The following SPART variants were observed in gnomAD, a reference collection of about 807,000 sequenced individuals.
The protein encoded by SPART is spartin, also known as spastic paraplegia 20 (Troyer syndrome).
SPART carries 35 observed loss-of-function variants against 58.7 expected under a neutral mutation model. That is an observed-to-expected ratio of 0.60 (90% CI 0.46 to 0.79). The LOEUF (loss-of-function observed/expected upper bound fraction) is 0.79, where lower values mean the gene tolerates loss of function less well. SPART is among the 30% of genes least tolerant of loss of function. SPART has a pLI of 0.00. For synonymous variants in SPART, 284 were observed against 280.7 expected, an observed-to-expected ratio of 1.01 and a Z score of -0.12; for missense variants, 730 against 786.1, an observed-to-expected ratio of 0.93 and a Z score of 0.85.
chr13:36,367,266 C>A (rs1365123399), intron 1 of SPART, among the ~76,000 whole-genome samples: 3 of 152,138 alleles, frequency 2.0e-5, no homozygotes, highest in Non-Finnish European at 4.4e-5. Flanking sequence ...CTTGCCCTTT[C>A]CCCACATGTT....
At chr13:36,307,152 T>A (rs1249361626) in intron 8 of SPART, among the ~76,000 whole-genome samples, 2 of 152,132 alleles carry the variant, frequency 1.3e-5, no homozygotes, top group African/African-American at 4.8e-5. Flanking sequence ...TTATTTTTGA[T>A]CTCTTATTTT....
chr13:36,323,130 T>G (rs1331754504), intron 5 of SPART, among the ~76,000 whole-genome samples: 1 of 152,192 alleles, frequency 6.6e-6, no homozygotes, highest in African/African-American at 2.4e-5. Context: ...AGGCAGAAAG[T>G]GATCATTCCG....
intron 8 of SPART, among the ~76,000 whole-genome samples, chr13:36,309,428 GCACT>G (rs1336187250): frequency 5.9e-5 from 9 of 152,042 alleles, no homozygotes; most frequent in African/African-American, 2.2e-4. Flanking sequence ...AAAGACACAT[GCACT>G]CACTCACATG....
intron 8 of SPART, among the ~76,000 whole-genome samples, chr13:36,306,009 T>C (rs1244287989): frequency 6.6e-6 from 1 of 152,204 alleles, no homozygotes; most frequent in Non-Finnish European, 1.5e-5. Flanking sequence ...TGTGCTTGGC[T>C]TTTTTAACCC....
chr13:36,345,861 G>T (rs1231727420), intron 1 of SPART, among the ~76,000 whole-genome samples: 1 of 152,100 alleles, frequency 6.6e-6, no homozygotes, highest in South Asian at 2.1e-4. Flanking sequence ...CGAAGCCAAA[G>T]TAAACAACGG....
At chr13:36,356,167 A>G (rs867177342) in intron 1 of SPART, among the ~76,000 whole-genome samples, 1 of 152,148 alleles carries the variant, frequency 6.6e-6, no homozygotes, top group African/African-American at 2.4e-5. Flanking sequence ...GGAGTCTACA[A>G]TATCAATTAC....
chr13:36,321,261 T>A (rs1458661761), intron 5 of SPART, among the ~76,000 whole-genome samples: 1 of 152,182 alleles, frequency 6.6e-6, no homozygotes, highest in Non-Finnish European at 1.5e-5. Flanking sequence ...ACTGCCAGTT[T>A]ACACTGTTTT....
At position 36,335,128 on chromosome 13, in the gene SPART, G is replaced by C. The variant is rs199501700; in HGVS notation, c.703C>G (p.Pro235Ala). ...PNGVQIFFVN[P>A]AGEVSAPSYP... ...GAAGGTGCACTAACCTCCCCTGCAG[G>C]ATTTACAAAAAAAATCTGTACTCCA... The change falls in exon 2 of 9, where the codon CCT (proline) becomes GCT (alanine). Residue 235 changes from proline to alanine, a missense_variant. Physicochemically the swap from Pro to Ala is conservative, Grantham distance 27 (BLOSUM62 -1). Transcript: ENST00000438666. 6.2e-7 allele frequency: 1 copy of C among 1,613,930 alleles called. No individual in the cohort carries two copies. Among genetic ancestry groups the C allele is most frequent in the African/African-American group, 1.3e-5 (1 of 74,982 alleles).
At chr13:36,324,601 T>G (rs942408893) in intron 5 of SPART, among the ~76,000 whole-genome samples, 1 of 152,152 alleles carries the variant, frequency 6.6e-6, no homozygotes, top group Admixed American at 6.5e-5. Flanking sequence ...CAGAAACAAA[T>G]GTTTGTTGTT....
intron 5 of SPART, among the ~76,000 whole-genome samples, chr13:36,322,101 C>G (rs182357273): frequency 6.6e-6 from 1 of 152,096 alleles, no homozygotes; most frequent in Non-Finnish European, 1.5e-5. Flanking sequence ...ATTCTCTTTT[C>G]GGACTCAGCC....
chr13:36,329,523 G>T lies in SPART; in HGVS notation c.1009-6C>A. ...TCTGCTCTGTTCCAGTTGGCCTAGA[G>T]AATAAAGGTTTAAGCTTAACTCTAA... On this transcript the variant is annotated splice_polypyrimidine_tract_variant and splice_region_variant and intron_variant, in intron 3 of 8. Coordinates refer to ENST00000438666, the MANE Select transcript of SPART (RefSeq NM_015087.5). 6.2e-7 allele frequency: 1 copy of T among 1,614,044 alleles called. No homozygotes were observed. The highest frequency in any genetic ancestry group is 2.2e-5 in the East Asian group (1 of 44,862).
At chr13:36,339,853 G>C (rs935501476) in intron 1 of SPART, among the ~76,000 whole-genome samples, 4 of 151,944 alleles carry the variant, frequency 2.6e-5, no homozygotes, top group Non-Finnish European at 5.9e-5. Flanking sequence ...GATCGCTTGA[G>C]TCCAGGAGTT....
chr13:36,307,127 G>A (rs535750707), intron 8 of SPART, among the ~76,000 whole-genome samples: 5 of 152,158 alleles, frequency 3.3e-5, no homozygotes, highest in African/African-American at 1.2e-4. Flanking sequence ...GCATATGTCT[G>A]GGAGGAAGTT....
At chr13:36,368,447 TA>T (rs1056243585) in intron 1 of SPART, 91 of 151,970 alleles carry the variant, frequency 6.0e-4, no homozygotes, top group East Asian at 2.7e-3. Flanking sequence ...CCCTCCTTAT[TA>T]AAAAAAAAAT....
intron 1 of SPART, among the ~76,000 whole-genome samples, chr13:36,354,961 A>C (rs1442948161): frequency 6.6e-6 from 1 of 152,270 alleles, no homozygotes; most frequent in African/African-American, 2.4e-5. Context: ...AAGACAAGGT[A>C]AAAGTAGAAA....
chr13:36,309,011 G>A (rs573855419), intron 8 of SPART, among the ~76,000 whole-genome samples: 21 of 152,114 alleles, frequency 1.4e-4, no homozygotes, highest in Non-Finnish European at 2.1e-4. Context: ...TTGGGAGGCC[G>A]AGGTGGGCAG....
At chr13:36,369,773 C>T (rs1240381548) in intron 1 of SPART, among the ~76,000 whole-genome samples, 1 of 152,194 alleles carries the variant, frequency 6.6e-6, no homozygotes, top group Non-Finnish European at 1.5e-5. Flanking sequence ...CAGTAATTCA[C>T]CAAATATTTA....
At chr13:36,333,233 T>A (rs1883629410) in intron 2 of SPART, among the ~76,000 whole-genome samples, 1 of 152,060 alleles carries the variant, frequency 6.6e-6, no homozygotes, top group African/African-American at 2.4e-5. Flanking sequence ...ATTTCTGTAA[T>A]TATAGATTTA....
At chr13:36,357,518 C>G (rs1478202205) in intron 1 of SPART, among the ~76,000 whole-genome samples, 1 of 152,164 alleles carries the variant, frequency 6.6e-6, no homozygotes, top group Non-Finnish European at 1.5e-5. Context: ...CAGCCTGCAG[C>G]AAGTCACACC....
Sources: allele counts gnomAD v4.1 joint callset (sites outside exome capture counted in the v4.1 genomes callset), GRCh38; gene constraint gnomAD v4.1.1; transcripts MANE v1.5; gene names NCBI Gene and HGNC (gene_info 2026-07-23, HGNC 2026-07-21).